Variants in SMYD3 observed in about 807,000 individuals in gnomAD.
SMYD3 encodes the protein histone-lysine N-methyltransferase SMYD3.
In SMYD3, 36 loss-of-function variants were observed where a neutral mutation model predicts 57.7. The observed-to-expected ratio is 0.62, with a 90% CI of 0.48 to 0.82. SMYD3 has a LOEUF of 0.82. Among genes scored for constraint, SMYD3 ranks in the 40% least tolerant of loss-of-function variants. SMYD3 has a pLI of 0.00. For missense variants in SMYD3, 515 were observed against 538.8 expected (o/e 0.96, Z 0.44); for synonymous variants, 211 against 195.0 (o/e 1.08, Z -0.68).
At chr1:246,241,465 T>C (rs2063608381) in intron 5 of SMYD3, among the ~76,000 whole-genome samples, 1 of 152,226 alleles carries the variant, frequency 6.6e-6, no homozygotes, top group African/African-American at 2.4e-5. Context: ...GTGGATAAGC[T>C]TTTTGATGTG....
chr1:246,402,436 C>T (rs1273908830), intron 1 of SMYD3, among the ~76,000 whole-genome samples: 1 of 149,462 alleles, frequency 6.7e-6, no homozygotes, highest in Non-Finnish European at 1.5e-5. Context: ...GGGCACAAAT[C>T]CCTCTATCCA....
At chr1:245,932,814 G>A (rs146889691) in intron 5 of SMYD3, among the ~76,000 whole-genome samples, 47 of 152,208 alleles carry the variant, frequency 3.1e-4, no homozygotes, top group African/African-American at 1.0e-3. Flanking sequence ...CTCCCGTCTC[G>A]GCTTCCCAAA....
chr1:245,800,427 G>T (rs1396719831), intron 10 of SMYD3, among the ~76,000 whole-genome samples: 5 of 148,862 alleles, frequency 3.4e-5, no homozygotes, highest in Non-Finnish European at 4.5e-5. Flanking sequence ...TATATGCTGG[G>T]TTTTTTTTTT....
intron 8 of SMYD3, among the ~76,000 whole-genome samples, chr1:245,869,426 G>A (rs1572553981): frequency 6.6e-6 from 1 of 152,158 alleles, no homozygotes; most frequent in Non-Finnish European, 1.5e-5. Flanking sequence ...AGAAGGAGCA[G>A]CTAGTCTGGA....
At position 246,298,346 on chromosome 1, in the gene SMYD3, T is replaced by A. The variant is rs1417280532; in HGVS notation, c.531+28855A>T. ...ATTGAAATAATCTAAATACTGAATA[T>A]TAATTTTTTTCTATGACCAAAATCA... On this transcript the variant is annotated intron_variant, in intron 5 of 11. Coordinates refer to ENST00000490107, the MANE Select transcript of SMYD3 (RefSeq NM_001167740.2). Among the ~76,000 whole-genome samples, 4 of 147,196 alleles carry A rather than the reference T, an allele frequency of 2.7e-5. No homozygotes were observed. In the Middle Eastern group the frequency reaches 0.01, roughly 381 times the overall value.
At chr1:246,121,840 A>T (rs1187219977) in intron 5 of SMYD3, among the ~76,000 whole-genome samples, 1 of 152,194 alleles carries the variant, frequency 6.6e-6, no homozygotes, top group Non-Finnish European at 1.5e-5. Context: ...CATCTGTGAC[A>T]AGAGCATCAC....
chr1:245,946,440 C>T (rs2057430677), intron 5 of SMYD3, among the ~76,000 whole-genome samples: 1 of 152,132 alleles, frequency 6.6e-6, no homozygotes, highest in South Asian at 2.1e-4. Flanking sequence ...GACGTTCCCA[C>T]GCCACTCACG....
intron 5 of SMYD3, among the ~76,000 whole-genome samples, chr1:246,267,766 T>C (rs573102834): frequency 6.6e-6 from 1 of 152,326 alleles, no homozygotes; most frequent in Non-Finnish European, 1.5e-5. Flanking sequence ...AGCATACTGT[T>C]GCATGCTCAA....
intron 5 of SMYD3, among the ~76,000 whole-genome samples, chr1:246,243,828 T>C (rs1403532775): frequency 3.9e-5 from 6 of 152,012 alleles, no homozygotes; most frequent in Non-Finnish European, 7.4e-5. Flanking sequence ...ACACAAGAGA[T>C]TGAGAGTTAA....
At chr1:245,806,797 C>G (rs553589125) in intron 10 of SMYD3, among the ~76,000 whole-genome samples, 1,597 of 151,084 alleles carry the variant, frequency 0.011, 36 homozygotes, top group African/African-American at 0.036. Context: ...GTAGTCCCAG[C>G]TACTCGGGAG....
At chr1:246,301,517 C>A (rs1313926730) in intron 5 of SMYD3, among the ~76,000 whole-genome samples, 3 of 152,162 alleles carry the variant, frequency 2.0e-5, no homozygotes, top group Non-Finnish European at 4.4e-5. Context: ...AAGATTGATT[C>A]ACCTAGCAAG....
At chr1:246,452,096 A>G (rs2067641605) in intron 1 of SMYD3, among the ~76,000 whole-genome samples, 1 of 152,224 alleles carries the variant, frequency 6.6e-6, no homozygotes, top group African/African-American at 2.4e-5. Context: ...AAAAGAATAG[A>G]TCACTAAACC....
At chr1:245,803,866 A>G (rs2047999060) in intron 10 of SMYD3, among the ~76,000 whole-genome samples, 1 of 151,578 alleles carries the variant, frequency 6.6e-6, no homozygotes, top group Admixed American at 6.6e-5. Flanking sequence ...GGATCCAACC[A>G]GGCTTGAGGC....
At chr1:246,375,390 C>A (rs553306409) in intron 1 of SMYD3, among the ~76,000 whole-genome samples, 1 of 119,374 alleles carries the variant, frequency 8.4e-6, no homozygotes, top group East Asian at 2.8e-4. Flanking sequence ...CAAGACACAA[C>A]ATGAGAGTAA....
intron 10 of SMYD3, among the ~76,000 whole-genome samples, chr1:245,853,092 G>A (rs919112313): frequency 6.6e-6 from 1 of 152,154 alleles, no homozygotes; most frequent in African/African-American, 2.4e-5. Context: ...CATTTATCAG[G>A]TGAAATAATT....
chr1:245,818,789 G>C (rs986495566), intron 10 of SMYD3, among the ~76,000 whole-genome samples: 4 of 151,778 alleles, frequency 2.6e-5, no homozygotes, highest in African/African-American at 9.7e-5. Context: ...GATCAAAAGA[G>C]ACAAAGAAGG....
intron 5 of SMYD3, among the ~76,000 whole-genome samples, chr1:245,993,573 AAAAAAAAGATAGATAGAT>A (rs1558566018): frequency 1.5e-5 from 2 of 131,316 alleles, no homozygotes; most frequent in African/African-American, 5.8e-5. Flanking sequence ...TGTCTCAAAA[AAAAAAAAGATAGATAGAT>A]AGATAGATAG....
intron 1 of SMYD3, among the ~76,000 whole-genome samples, chr1:246,468,403 G>A (rs532572442): frequency 6.6e-6 from 1 of 152,002 alleles, no homozygotes; most frequent in Admixed American, 6.5e-5. Context: ...AACTCTGGGA[G>A]GTTGAGGCGG....
At chr1:246,167,305 G>A (rs1024791868) in intron 5 of SMYD3, among the ~76,000 whole-genome samples, 2 of 152,008 alleles carry the variant, frequency 1.3e-5, no homozygotes, top group African/African-American at 2.4e-5. Context: ...ATATGGCAGT[G>A]GAATTCCTGG....
Sources: gnomAD v4.1 joint callset for allele counts (sites outside exome capture counted in the v4.1 genomes callset) on GRCh38, gnomAD v4.1.1 for gene constraint, MANE v1.5 for transcripts, NCBI Gene and HGNC (gene_info 2026-07-23, HGNC 2026-07-21) for gene names.